The following KDM4A variants were observed in gnomAD, a reference collection of about 807,000 sequenced individuals.
KDM4A encodes the protein lysine demethylase 4A.
A neutral mutation model predicts 127.1 loss-of-function variants in KDM4A; 23 were observed. The observed-to-expected ratio is 0.18, with a 90% CI of 0.13 to 0.26. The LOEUF (loss-of-function observed/expected upper bound fraction) is 0.26. Ranked by LOEUF, KDM4A falls within the 10% of genes least tolerant of loss-of-function variation. The probability of loss-of-function intolerance (pLI) is 1.00; values close to 1 mark genes in which losing one functional copy is unlikely to be tolerated. For synonymous variants in KDM4A, 443 were observed against 466.5 expected (o/e 0.95, Z 0.65); for missense variants, 890 against 1,329.1 (o/e 0.67, Z 5.14).
intron 11 of KDM4A, among the ~76,000 whole-genome samples, chr1:43,676,470 G>A (rs1267829017): frequency 1.3e-5 from 2 of 152,070 alleles, no homozygotes; most frequent in African/African-American, 4.8e-5. Flanking sequence ...ACAGGCGCCT[G>A]CCACCATGCC....
Position 43,692,365 on chromosome 1 carries a change from A to G in KDM4A, c.2375+54A>G, listed in dbSNP as rs1661138139. ...GCACAGGCTCAGTTCCGAAGCACAC[A>G]GTGTCTTTGTGAGGGTACTAGCTGT... On this transcript the variant is annotated intron_variant, in intron 16 of 21. Transcript: ENST00000372396. 12 of 1,482,180 alleles carry G rather than the reference A, an allele frequency of 8.1e-6. No individual in the cohort carries two copies. The East Asian group carries it at 2.0e-4, about 25-fold the overall frequency. The allele number at this position is 1,482,180 out of a possible 1,614,324, so 91.8% of individuals were successfully genotyped here. A position where few individuals can be genotyped will look rare whatever the true frequency, so the allele number is the denominator to read the frequency against.
chr1:43,682,840 G>C (rs1240465875), intron 11 of KDM4A, among the ~76,000 whole-genome samples: 3 of 152,190 alleles, frequency 2.0e-5, no homozygotes, highest in Non-Finnish European at 4.4e-5. Context: ...ATTGGTTTTT[G>C]TCACAGTTGC....
chr1:43,686,681 A>G (rs924818548), intron 12 of KDM4A, among the ~76,000 whole-genome samples: 7 of 152,194 alleles, frequency 4.6e-5, no homozygotes, highest in African/African-American at 1.7e-4. Flanking sequence ...CTTTCCCTGC[A>G]TGTCCCAAGA....
In KDM4A at chr1:43,704,130, C is replaced by A. The variant is rs764145821; in HGVS notation, c.3054+18C>A. ...CTAGACTGGTGAGTATTTTCTGTGT[C>A]CCCCCAGTTCCTGTCTTGGAGGGAG... On this transcript the variant is annotated intron_variant, in intron 21 of 21. Coordinates refer to ENST00000372396, the MANE Select transcript of KDM4A (RefSeq NM_014663.3). 2 of 1,611,524 alleles carry A rather than the reference C, an allele frequency of 1.2e-6. No individual in the cohort carries two copies. Among genetic ancestry groups the A allele is most frequent in the Non-Finnish European group, 1.7e-6 (2 of 1,178,054 alleles).
At chr1:43,691,640 C>A in intron 15 of KDM4A, 68 bp downstream of exon 15, 1 of 1,343,620 alleles carries the variant, frequency 7.4e-7, no homozygotes, top group Non-Finnish European at 1.1e-6. Context: ...CAGACGATTT[C>A]ATGTTGGACT....
chr1:43,665,829 GT>G, intron 6 of KDM4A, 84 bp downstream of exon 6: 2 of 1,408,800 alleles, frequency 1.4e-6, no homozygotes, highest in Non-Finnish European at 2.0e-6. Context: ...GTTCCCCATG[GT>G]CAGATACTTG....
At chr1:43,674,560 A>G (rs1290916090) in intron 11 of KDM4A, among the ~76,000 whole-genome samples, 1 of 149,968 alleles carries the variant, frequency 6.7e-6, no homozygotes, top group African/African-American at 2.5e-5. Context: ...TCTGTTGCCC[A>G]GGCTGGAGTG....
chr1:43,702,166 T>C (rs1450271374), intron 19 of KDM4A: 2 of 152,210 alleles, frequency 1.3e-5, no homozygotes, highest in African/African-American at 2.4e-5. Context: ...AATAGCCATG[T>C]CTCACTTGCT....
intron 9 of KDM4A, among the ~76,000 whole-genome samples, chr1:43,668,612 C>T (rs1016285727): frequency 6.6e-6 from 1 of 152,060 alleles, no homozygotes; most frequent in Non-Finnish European, 1.5e-5. Context: ...GGTCGGGCTC[C>T]CTCTGAGCCA....
intron 4 of KDM4A, among the ~76,000 whole-genome samples, chr1:43,661,634 A>G (rs1295563411): frequency 5.4e-5 from 8 of 147,338 alleles, no homozygotes; most frequent in African/African-American, 2.1e-4. Flanking sequence ...AAAAAAAAAA[A>G]AAAAAAGAAT....
intron 15 of KDM4A, 138 bp from the exon 16 acceptor site, chr1:43,692,118 C>T: frequency 2.5e-6 from 2 of 793,518 alleles, no homozygotes; most frequent in East Asian, 5.1e-5. Context: ...GGTGCAGGGG[C>T]TGCCTGGGTG....
chr1:43,690,799 C>T, intron 13 of KDM4A, 46 bp from the exon 14 acceptor site: 1 of 1,557,822 alleles, frequency 6.4e-7, no homozygotes, highest in Non-Finnish European at 8.9e-7. Context: ...AAGCTAAGAG[C>T]ATAGGCACGT....
intron 11 of KDM4A, among the ~76,000 whole-genome samples, chr1:43,678,281 C>G (rs1200583504): frequency 6.6e-6 from 1 of 151,890 alleles, no homozygotes; most frequent in East Asian, 1.9e-4. Context: ...ACCAGGAGGG[C>G]ACTGGTGGGC....
At chr1:43,668,595 G>A (rs1660552097) in intron 9 of KDM4A, among the ~76,000 whole-genome samples, 1 of 152,182 alleles carries the variant, frequency 6.6e-6, no homozygotes. Flanking sequence ...GGGCATTTAT[G>A]TGCGAAGGTC....
intron 5 of KDM4A, among the ~76,000 whole-genome samples, chr1:43,664,199 G>A (rs1660449433): frequency 6.6e-6 from 1 of 152,160 alleles, no homozygotes; most frequent in Admixed American, 6.6e-5. Flanking sequence ...AGTGGTGGTG[G>A]GCTTAGCAGC....
At chr1:43,696,720 AAT>A (rs1661248457) in intron 18 of KDM4A, among the ~76,000 whole-genome samples, 1 of 152,230 alleles carries the variant, frequency 6.6e-6, no homozygotes, top group Non-Finnish European at 1.5e-5. Context: ...TCATACACAG[AAT>A]AGTTATTTTG....
Position 43,671,528 on chromosome 1 carries a change from A to C in KDM4A, c.1387A>C (p.Lys463Gln), listed in dbSNP as rs773506730. The stretch of plus-strand genomic sequence containing the variant: ...AGATTATTCTGACTCCACTGAAGTC[A>C]AATTTGAAGAGCTTAAAAATGTCAA... Reference protein sequence around the residue: ...FPDYSDSTEVKFEELKNVKLE... With the variant: ...FPDYSDSTEVQFEELKNVKLE... Residue 463 changes from lysine to glutamine, a missense_variant, in exon 11 of 22, where the codon AAA becomes CAA. Transcript: ENST00000372396. 6.4e-6 allele frequency: 10 copies of C among 1,569,828 alleles called. No homozygotes were observed. Among genetic ancestry groups the C allele is most frequent in the African/African-American group, 2.7e-5 (2 of 73,174 alleles).
chr1:43,699,104 T>A (rs1173068146), intron 19 of KDM4A, among the ~76,000 whole-genome samples: 2 of 149,982 alleles, frequency 1.3e-5, no homozygotes, highest in African/African-American at 4.9e-5. Flanking sequence ...TTTTTTTTTT[T>A]TTTTTTGAGA....
At position 43,691,613 on chromosome 1, in the gene KDM4A, TG is replaced by T. The variant is rs201193475; in HGVS notation, c.2319+43del. 9.7e-3 allele frequency: 15,110 copies of T among 1,555,918 alleles called. 91 individuals carry two copies. Among genetic ancestry groups the T allele is most frequent in the Non-Finnish European group, 0.012 (13,047 of 1,127,022 alleles). ...CTGTTACTGTCTTCACCATGAGTCTTGGTGCATATTCAGGGCCAGACGATTT... is the reference window on the plus strand; with the variant it reads ...CTGTTACTGTCTTCACCATGAGTCTTGTGCATATTCAGGGCCAGACGATTT... On this transcript the variant is annotated intron_variant, in intron 15 of 21. Transcript: ENST00000372396.
Sources: gnomAD v4.1 joint callset for allele counts (sites outside exome capture counted in the v4.1 genomes callset) on GRCh38, gnomAD v4.1.1 for gene constraint, MANE v1.5 for transcripts, NCBI Gene and HGNC (gene_info 2026-07-23, HGNC 2026-07-21) for gene names.